FUT8: variants seen among roughly 807,000 people sequenced by gnomAD.
FUT8 encodes alpha-(1,6)-fucosyltransferase.
FUT8 carries 29 observed loss-of-function variants against 71.3 expected under a neutral mutation model. That is an observed-to-expected ratio of 0.41 (90% CI 0.30 to 0.55). The LOEUF is 0.55. Among genes scored for constraint, FUT8 ranks in the 20% least tolerant of loss-of-function variants. The pLI, the probability that FUT8 is intolerant of heterozygous loss-of-function variation, is 0.34. For missense variants in FUT8, 544 were observed against 702.1 expected, an observed-to-expected ratio of 0.77 and a Z score of 2.55; for synonymous variants, 254 against 239.3, an observed-to-expected ratio of 1.06 and a Z score of -0.57.
chr14:65,480,882 G>T (rs1295874103), intron 2 of FUT8, among the ~76,000 whole-genome samples: 1 of 151,814 alleles, frequency 6.6e-6, no homozygotes, highest in African/African-American at 2.4e-5. Flanking sequence ...TAGAGATGGG[G>T]TTTCACCATG....
At chr14:65,557,243 T>C (rs2898814) in intron 2 of FUT8, among the ~76,000 whole-genome samples, 105,936 of 151,962 alleles carry the variant, frequency 0.7, 37,224 homozygotes, top group East Asian at 0.9. Flanking sequence ...CTGTAAATAC[T>C]GAAAGAAATG....
chr14:65,540,376 A>G (rs1057324886), intron 2 of FUT8, among the ~76,000 whole-genome samples: 1 of 152,234 alleles, frequency 6.6e-6, no homozygotes, highest in Non-Finnish European at 1.5e-5. Context: ...GTGTACTTCT[A>G]AAAGACAGTG....
At chr14:65,597,986 T>G (rs1211355806) in intron 3 of FUT8, among the ~76,000 whole-genome samples, 1 of 152,074 alleles carries the variant, frequency 6.6e-6, no homozygotes, top group Non-Finnish European at 1.5e-5. Context: ...CTGGGCTACA[T>G]AGTGAGACCT....
chr14:65,694,821 C>G (rs1893901938), intron 7 of FUT8, among the ~76,000 whole-genome samples: 1 of 141,300 alleles, frequency 7.1e-6, no homozygotes, highest in Non-Finnish European at 1.5e-5. Flanking sequence ...CATATTCTCA[C>G]TTATAGGTGG....
At chr14:65,378,231 A>G in the FUT8 span, among the ~76,000 whole-genome samples, 3 of 152,062 alleles carry the variant, frequency 2.0e-5, no homozygotes, top group Non-Finnish European at 2.9e-5. Flanking sequence ...CCAAGTGGGT[A>G]TGATGATGAA....
At chr14:65,404,090 T>A in the FUT8 span, among the ~76,000 whole-genome samples, 1 of 152,150 alleles carries the variant, frequency 6.6e-6, no homozygotes, top group African/African-American at 2.4e-5. Flanking sequence ...GGTCTCGAAC[T>A]CCTGACCTCA....
At chr14:65,644,150 G>A (rs1290486363) in intron 6 of FUT8, among the ~76,000 whole-genome samples, 1 of 152,106 alleles carries the variant, frequency 6.6e-6, no homozygotes, top group East Asian at 1.9e-4. Context: ...GCCTATGAAG[G>A]GAATACGTAG....
intron 2 of FUT8, among the ~76,000 whole-genome samples, chr14:65,548,298 T>G (rs554575815): frequency 4.6e-5 from 7 of 152,200 alleles, no homozygotes; most frequent in African/African-American, 1.7e-4. Flanking sequence ...AGTTTTTCCC[T>G]TTCTGTAATG....
At chr14:65,486,182 T>C (rs184483250) in intron 2 of FUT8, among the ~76,000 whole-genome samples, 2 of 152,364 alleles carry the variant, frequency 1.3e-5, no homozygotes, top group East Asian at 1.9e-4. Flanking sequence ...ACAAATTGTA[T>C]TGGCAATTTT....
At chr14:65,588,356 T>A (rs1887501216) in intron 3 of FUT8, among the ~76,000 whole-genome samples, 1 of 152,208 alleles carries the variant, frequency 6.6e-6, no homozygotes, top group Non-Finnish European at 1.5e-5. Context: ...ACTATGGCTA[T>A]CCTTTTAAAG....
intron 5 of FUT8, chr14:65,617,288 T>G (rs947213164): frequency 1.6e-6 from 2 of 1,279,592 alleles, no homozygotes; most frequent in East Asian, 5.4e-5. Context: ...TAAAAATCTG[T>G]CTATTGGAAT....
chr14:65,372,458 C>T, the FUT8 span, among the ~76,000 whole-genome samples: 3 of 151,600 alleles, frequency 2.0e-5, no homozygotes, highest in Non-Finnish European at 4.4e-5. Flanking sequence ...CTCTGTCACC[C>T]GAGCTGGAGT....
chr14:65,448,742 A>C (rs889757423), intron 1 of FUT8, among the ~76,000 whole-genome samples: 1 of 152,082 alleles, frequency 6.6e-6, no homozygotes, highest in African/African-American at 2.4e-5. Context: ...GCTGTGTCCC[A>C]TGGGAATTTA....
At chr14:65,380,084 C>T in the FUT8 span, among the ~76,000 whole-genome samples, 55 of 152,194 alleles carry the variant, frequency 3.6e-4, no homozygotes, top group South Asian at 3.7e-3. Context: ...TCCATTTTTG[C>T]GCTGCTGATA....
intron 6 of FUT8, among the ~76,000 whole-genome samples, chr14:65,650,100 T>G (rs1189201568): frequency 6.8e-6 from 1 of 147,406 alleles, no homozygotes; most frequent in East Asian, 2.0e-4. Flanking sequence ...ATCAAGACCA[T>G]CCTCGCTAAC....
chr14:65,388,593 C>G, the FUT8 span, among the ~76,000 whole-genome samples: 1 of 152,114 alleles, frequency 6.6e-6, no homozygotes, highest in African/African-American at 2.4e-5. Context: ...GAAACCCCGT[C>G]TCTGCTAAAA....
At chr14:65,449,466 A>G (rs2065789905) in intron 1 of FUT8, among the ~76,000 whole-genome samples, 1 of 152,192 alleles carries the variant, frequency 6.6e-6, no homozygotes, top group African/African-American at 2.4e-5. Context: ...GCTTCCGTTG[A>G]TATACTGGAG....
At chr14:65,698,944 G>C (rs1267498975) in intron 7 of FUT8, among the ~76,000 whole-genome samples, 1 of 152,092 alleles carries the variant, frequency 6.6e-6, no homozygotes, top group East Asian at 1.9e-4. Context: ...CAATGATTGA[G>C]ATACCTCTGA....
At chr14:65,728,812 C>T (rs1895813374) in intron 9 of FUT8, among the ~76,000 whole-genome samples, 1 of 152,050 alleles carries the variant, frequency 6.6e-6, no homozygotes, top group African/African-American at 2.4e-5. Context: ...TATGTATAGC[C>T]TAGGTGTGGT....
Sources: allele counts gnomAD v4.1 joint callset (sites outside exome capture counted in the v4.1 genomes callset), GRCh38; gene constraint gnomAD v4.1.1; transcripts MANE v1.5; gene names NCBI Gene and HGNC (gene_info 2026-07-23, HGNC 2026-07-21).